TNS3: variants seen among roughly 807,000 people sequenced by gnomAD.
TNS3 encodes the protein tensin 3, also known as tensin-3.
TNS3 carries 45 observed loss-of-function variants against 140.9 expected under a neutral mutation model. That is an observed-to-expected ratio of 0.32 (90% CI 0.25 to 0.41). The LOEUF is 0.41. Ranked by LOEUF, TNS3 falls within the 10% of genes least tolerant of loss-of-function variation. The pLI is 1.00. For missense variants in TNS3, 1,716 were observed against 1,906.7 expected (o/e 0.90, Z 1.86); for synonymous variants, 815 against 788.4 (o/e 1.03, Z -0.56).
At chr7:47,352,985 G>A (rs1173818468) in intron 17 of TNS3, among the ~76,000 whole-genome samples, 1 of 152,216 alleles carries the variant, frequency 6.6e-6, no homozygotes, top group Admixed American at 6.5e-5. Context: ...ACACTCTGAT[G>A]TCTGGGTGAC....
intron 16 of TNS3, among the ~76,000 whole-genome samples, chr7:47,383,083 A>AGAATATCCTAGGGCC (rs747213983): frequency 1.3e-5 from 2 of 152,228 alleles, no homozygotes; most frequent in Non-Finnish European, 2.9e-5. Context: ...TAGAGGTATA[A>AGAATATCCTAGGGCC]GAATATCCTA....
At chr7:47,452,685 G>A (rs1457237888) in intron 4 of TNS3, among the ~76,000 whole-genome samples, 3 of 152,216 alleles carry the variant, frequency 2.0e-5, no homozygotes, top group Non-Finnish European at 4.4e-5. Flanking sequence ...AAAGAAGTCG[G>A]AAGCTCCCCT....
intron 16 of TNS3, among the ~76,000 whole-genome samples, chr7:47,381,197 T>G (rs1791736567): frequency 6.6e-6 from 1 of 152,226 alleles, no homozygotes; most frequent in South Asian, 2.1e-4. Context: ...AAAGCACAGT[T>G]TCAGCCTCCT....
chr7:47,412,579 G>C (rs927935494), intron 12 of TNS3, among the ~76,000 whole-genome samples: 15 of 152,080 alleles, frequency 9.9e-5, no homozygotes, highest in African/African-American at 3.6e-4. Context: ...GATCGTGCCA[G>C]AGCGAGATGC....
In TNS3 at chr7:47,529,123, G is replaced by A. The variant is rs1219823125; in HGVS notation, c.-240C>T. On this transcript the variant is annotated 5_prime_UTR_variant, in exon 2 of 31. Transcript: ENST00000311160. ...TTAAAGGCCTTGTTCTTAAAAGCGTGCAGACTCGAGGTTAATTCTTCCGGC... is the reference window on the plus strand; with the variant it reads ...TTAAAGGCCTTGTTCTTAAAAGCGTACAGACTCGAGGTTAATTCTTCCGGC... 7.8e-7 allele frequency: 1 copy of A among 1,286,326 alleles called. No homozygotes were observed. The highest frequency in any genetic ancestry group is 2.3e-5 in the Admixed American group (1 of 42,826). The allele number at this position is 1,286,326 out of a possible 1,614,324, so 79.7% of individuals were successfully genotyped here.
chr7:47,565,829 T>C (rs1800416815), intron 1 of TNS3, among the ~76,000 whole-genome samples: 1 of 152,114 alleles, frequency 6.6e-6, no homozygotes. Context: ...AAATTCACAT[T>C]GGGGGTTCAG....
intron 17 of TNS3, 121 bp from the exon 18 acceptor site, chr7:47,346,477 G>T: frequency 8.3e-7 from 1 of 1,208,728 alleles, no homozygotes; most frequent in Non-Finnish European, 1.1e-6. Flanking sequence ...GGTCACCACT[G>T]CTCTGGGAAG....
At chr7:47,450,221 A>C (rs1367827932) in intron 4 of TNS3, among the ~76,000 whole-genome samples, 1 of 152,254 alleles carries the variant, frequency 6.6e-6, no homozygotes, top group East Asian at 1.9e-4. Flanking sequence ...TTTTGGGTTA[A>C]CAAAAATAAA....
rs1288402215 is a variant in TNS3, at chr7:47,303,134, G to A, written c.3273C>T (p.Thr1091=). 3 of 1,613,852 alleles carry A rather than the reference G, an allele frequency of 1.9e-6. No homozygotes were observed. Among genetic ancestry groups the A allele is most frequent in the African/African-American group, 2.7e-5 (2 of 74,946 alleles). The part of the protein sequence containing the change: ...HSPGLQGQGV[T]LPGQPPLPEK... ...CAGGGAGGGGTGGCTGCCCGGGCAG[G>A]GTCACACCCTGGCCCTGCAGGCCTG... Residue 1091 remains threonine (T), a synonymous_variant, in exon 22 of 31, where the codon ACC becomes ACT. Coordinates refer to ENST00000311160, the MANE Select transcript of TNS3 (RefSeq NM_022748.12).
At chr7:47,363,480 T>C (rs1202490005) in intron 17 of TNS3, among the ~76,000 whole-genome samples, 1 of 152,240 alleles carries the variant, frequency 6.6e-6, no homozygotes, top group African/African-American at 2.4e-5. Context: ...AGGGCAATGC[T>C]ATTCCCAACT....
At chr7:47,572,066 CT>C (rs1332121519) in intron 1 of TNS3, among the ~76,000 whole-genome samples, 1 of 152,238 alleles carries the variant, frequency 6.6e-6, no homozygotes, top group East Asian at 1.9e-4. Context: ...AGGTGTGAGG[CT>C]GCAGAGACCT....
At chr7:47,512,048 C>T (rs1798632365) in intron 2 of TNS3, among the ~76,000 whole-genome samples, 1 of 152,250 alleles carries the variant, frequency 6.6e-6, no homozygotes, top group African/African-American at 2.4e-5. Context: ...GCACGAACAG[C>T]AAACTGCAGC....
At chr7:47,455,952 C>T (rs894272963) in intron 4 of TNS3, among the ~76,000 whole-genome samples, 1 of 152,186 alleles carries the variant, frequency 6.6e-6, no homozygotes, top group Non-Finnish European at 1.5e-5. Flanking sequence ...GAGTGACACA[C>T]GCCATGCTCA....
At chr7:47,570,881 G>A (rs1292836403) in intron 1 of TNS3, among the ~76,000 whole-genome samples, 6 of 151,854 alleles carry the variant, frequency 4.0e-5, no homozygotes, top group Admixed American at 3.9e-4. Context: ...CAGATTTAAT[G>A]AGGACAGAGA....
chr7:47,353,480 C>T (rs1789804728), intron 17 of TNS3, among the ~76,000 whole-genome samples: 1 of 152,190 alleles, frequency 6.6e-6, no homozygotes, highest in South Asian at 2.1e-4. Context: ...TCTATCATTG[C>T]AGAAGATTAG....
chr7:47,575,425 C>T (rs947391484), intron 1 of TNS3, among the ~76,000 whole-genome samples: 7 of 152,090 alleles, frequency 4.6e-5, no homozygotes, highest in Non-Finnish European at 1.0e-4. Flanking sequence ...GAATTTTTTC[C>T]TTTTTCCTTA....
intron 4 of TNS3, chr7:47,453,190 G>A: frequency 1.0e-6 from 1 of 985,614 alleles, no homozygotes; most frequent in Non-Finnish European, 1.2e-6. Flanking sequence ...CGCAGGCATG[G>A]AGCTCACAGG....
At chr7:47,539,334 C>T (rs1799715311) in intron 1 of TNS3, 2 of 344,980 alleles carry the variant, frequency 5.8e-6, no homozygotes, top group South Asian at 4.5e-5. Context: ...TCAGAAAACT[C>T]CCACACTTCG....
At chr7:47,325,839 T>A (rs962266036) in intron 20 of TNS3, among the ~76,000 whole-genome samples, 1 of 152,086 alleles carries the variant, frequency 6.6e-6, no homozygotes, top group Non-Finnish European at 1.5e-5. Context: ...GGCAGCTTGA[T>A]TGCCTTGGAT....
Sources: gnomAD v4.1 joint callset for allele counts (sites outside exome capture counted in the v4.1 genomes callset) on GRCh38, gnomAD v4.1.1 for gene constraint, MANE v1.5 for transcripts, NCBI Gene and HGNC (gene_info 2026-07-23, HGNC 2026-07-21) for gene names.